Variants in CAPZB observed in about 807,000 individuals in gnomAD.
CAPZB encodes the protein capping actin protein of muscle Z-line subunit beta, also known as F-actin-capping protein subunit beta.
CAPZB carries 2 observed loss-of-function variants against 38.1 expected under a neutral mutation model. The ratio of observed to expected loss-of-function variants is 0.05; its 90% CI spans 0.02 to 0.17. CAPZB has a LOEUF of 0.17. CAPZB is among the 10% of genes least tolerant of loss of function. CAPZB has a pLI of 1.00. For missense variants in CAPZB, 161 were observed against 334.2 expected, an observed-to-expected ratio of 0.48 and a Z score of 4.04; for synonymous variants, 107 against 127.4, an observed-to-expected ratio of 0.84 and a Z score of 1.08.
At chr1:19,449,433 C>T in intron 1 of CAPZB, 1 of 603,358 alleles carries the variant, frequency 1.7e-6, no homozygotes. Context: ...CAGGGTGAAC[C>T]ATGGTATGTC....
At chr1:19,428,855 T>C (rs920208141) in intron 1 of CAPZB, among the ~76,000 whole-genome samples, 4 of 151,834 alleles carry the variant, frequency 2.6e-5, no homozygotes, top group African/African-American at 9.7e-5. Flanking sequence ...TGACCTAAGG[T>C]AGAGGACAGC....
At chr1:19,454,755 T>TA (rs1307328149) in intron 1 of CAPZB, among the ~76,000 whole-genome samples, 3 of 152,180 alleles carry the variant, frequency 2.0e-5, no homozygotes, top group Non-Finnish European at 1.5e-5. Flanking sequence ...TATTAATACT[T>TA]ACAAATACTC....
At chr1:19,450,144 C>CAAAAAAAAAAAAAA (rs71008167) in intron 1 of CAPZB, among the ~76,000 whole-genome samples, 5 of 35,448 alleles carry the variant, frequency 1.4e-4, no homozygotes, top group African/African-American at 3.2e-4. Flanking sequence ...ACCCTGTCTC[C>CAAAAAAAAAAAAAA]AAAAAAAAAA....
At chr1:19,398,066 T>C (rs1250192308) in intron 2 of CAPZB, among the ~76,000 whole-genome samples, 1 of 151,944 alleles carries the variant, frequency 6.6e-6, no homozygotes, top group East Asian at 1.9e-4. Context: ...AAAGTGACAA[T>C]AAGGAGTCAC....
intron 1 of CAPZB, among the ~76,000 whole-genome samples, chr1:19,438,987 A>G (rs182068422): frequency 6.6e-5 from 10 of 152,366 alleles, no homozygotes; most frequent in African/African-American, 2.4e-4. Flanking sequence ...TTTCCAATCA[A>G]TGATGGAAAC....
chr1:19,482,032 CT>C (rs2094631053), intron 1 of CAPZB, among the ~76,000 whole-genome samples: 1 of 152,208 alleles, frequency 6.6e-6, no homozygotes, highest in African/African-American at 2.4e-5. Context: ...CAGTATTTGC[CT>C]AACAATAAGC....
At chr1:19,445,025 A>G (rs2100660943) in intron 1 of CAPZB, among the ~76,000 whole-genome samples, 1 of 152,260 alleles carries the variant, frequency 6.6e-6, no homozygotes, top group South Asian at 2.1e-4. Context: ...TTATAGGTGT[A>G]AGCCACCACG....
At chr1:19,416,807 G>A (rs2094381318) in intron 2 of CAPZB, among the ~76,000 whole-genome samples, 1 of 132,286 alleles carries the variant, frequency 7.6e-6, no homozygotes, top group East Asian at 2.4e-4. Flanking sequence ...GCTGCATTGA[G>A]CTTTGATTGC....
chr1:19,416,915 T>C (rs2094382514), intron 2 of CAPZB, among the ~76,000 whole-genome samples: 2 of 137,482 alleles, frequency 1.5e-5, no homozygotes, highest in Admixed American at 7.5e-5. Flanking sequence ...ATCTATAGAA[T>C]GTCACACAGT....
At chr1:19,429,268 T>C (rs1432053983) in intron 1 of CAPZB, among the ~76,000 whole-genome samples, 1 of 151,440 alleles carries the variant, frequency 6.6e-6, no homozygotes, top group Non-Finnish European at 1.5e-5. Flanking sequence ...ATTAGAAATC[T>C]GCTCTCATTT....
rs764543975 is a variant in CAPZB at position 19,339,536 on chromosome 1, T to C, written c.813A>G (p.Gln271=). The part of the protein sequence containing the change: ...DLVEALKRKQ[Q]C ...GTTAGCATGAAACAGAGGTTTAGCA[T>C]TGCTGCTTTCTCTTCAAAGCCTCCA... The change falls in exon 9 of 9, where the codon CAA becomes CAG. Residue 271 remains glutamine, a synonymous_variant. Transcript: ENST00000264202. 1.9e-6 allele frequency: 3 copies of C among 1,611,992 alleles called. No homozygotes were observed. Among genetic ancestry groups the C allele is most frequent in the Non-Finnish European group, 2.5e-6 (3 of 1,177,956 alleles).
chr1:19,407,777 G>GA (rs1230083538), intron 2 of CAPZB, among the ~76,000 whole-genome samples: 2 of 152,148 alleles, frequency 1.3e-5, no homozygotes, highest in African/African-American at 2.4e-5. Flanking sequence ...CTTTCCCAAT[G>GA]ATAACCGGGG....
At chr1:19,453,839 C>A (rs1189342648) in intron 1 of CAPZB, among the ~76,000 whole-genome samples, 5 of 152,230 alleles carry the variant, frequency 3.3e-5, no homozygotes, top group African/African-American at 1.2e-4. Flanking sequence ...TGAGCCCTTG[C>A]TGGGGGCTAG....
At chr1:19,476,207 GA>G (rs2094606159) in intron 1 of CAPZB, among the ~76,000 whole-genome samples, 6 of 133,784 alleles carry the variant, frequency 4.5e-5, no homozygotes, top group African/African-American at 2.0e-4. Flanking sequence ...TAGATAGATA[GA>G]TAGATAGATA....
At chr1:19,388,147 A>G (rs761167994) in intron 2 of CAPZB, among the ~76,000 whole-genome samples, 4 of 152,238 alleles carry the variant, frequency 2.6e-5, no homozygotes, top group Non-Finnish European at 5.9e-5. Context: ...GGTTTGGTAT[A>G]AAAGAGGCTT....
intron 2 of CAPZB, among the ~76,000 whole-genome samples, chr1:19,386,218 G>A (rs980217862): frequency 4.6e-5 from 7 of 152,306 alleles, no homozygotes; most frequent in Admixed American, 1.3e-4. Flanking sequence ...GGCCTGCCAG[G>A]GGGCCGCCTC....
At chr1:19,354,546 G>T (rs2094009766) in intron 6 of CAPZB, among the ~76,000 whole-genome samples, 2 of 152,182 alleles carry the variant, frequency 1.3e-5, no homozygotes, top group East Asian at 1.9e-4. Flanking sequence ...CCTCATTAAA[G>T]CCCCCAGAGC....
chr1:19,441,627 A>G (rs1275277736), intron 1 of CAPZB, among the ~76,000 whole-genome samples: 1 of 151,536 alleles, frequency 6.6e-6, no homozygotes, highest in Non-Finnish European at 1.5e-5. Context: ...ATCACATCAC[A>G]TCTTTCCCAA....
In CAPZB at chr1:19,357,006, C is replaced by T. The variant is rs957932269; in HGVS notation, c.472-255G>A. Among the ~76,000 whole-genome samples the T allele has an allele frequency of 3.3e-5, 5 of 152,056 alleles. No individual in the cohort carries two copies. The highest frequency in any genetic ancestry group is 6.6e-5 in the Admixed American group (1 of 15,256). ...CCTCCCAAGTAGCTGGGATTATGGG[C>T]GCCCGCCACCACGCCTGGCTAATGT... On this transcript the variant is annotated intron_variant, in intron 5 of 8. Transcript: ENST00000264202. This position sits in a 1 kb window ranked among gnomAD's most constrained non-coding sequence, Gnocchi z 4.3.
Sources: gnomAD v4.1 joint callset for allele counts (sites outside exome capture counted in the v4.1 genomes callset) on GRCh38, gnomAD v4.1.1 for gene constraint, Gnocchi (gnomAD v3.1) non-coding constraint, MANE v1.5 for transcripts, NCBI Gene and HGNC (gene_info 2026-07-23, HGNC 2026-07-21) for gene names.